The following NBAS variants were observed in gnomAD, a reference collection of about 807,000 sequenced individuals.
NBAS encodes NBAS subunit of NRZ tethering complex.
Under a neutral mutation model 302.5 loss-of-function variants are expected in NBAS, and 219 were observed. The observed-to-expected ratio is 0.72, with a 90% CI of 0.65 to 0.81. NBAS has a LOEUF of 0.81. Among genes scored for constraint, NBAS ranks in the 30% least tolerant of loss-of-function variants. The pLI is 0.00. For synonymous variants in NBAS, 1,118 were observed against 1,021.6 expected (o/e 1.09, Z -1.80); for missense variants, 2,932 against 2,841.6 (o/e 1.03, Z -0.72).
At chr2:15,152,895 T>G in the NBAS span, among the ~76,000 whole-genome samples, 2 of 152,216 alleles carry the variant, frequency 1.3e-5, no homozygotes, top group African/African-American at 2.4e-5. Flanking sequence ...CCCTTCACTT[T>G]CAACTTCTCC....
intron 44 of NBAS, among the ~76,000 whole-genome samples, chr2:15,270,286 T>C (rs889738678): frequency 6.6e-6 from 1 of 152,174 alleles, no homozygotes; most frequent in Non-Finnish European, 1.5e-5. Context: ...TGCCTCAGCC[T>C]CCCGAGTGGC....
At chr2:15,223,875 C>G (rs887263799) in intron 47 of NBAS, among the ~76,000 whole-genome samples, 1 of 151,844 alleles carries the variant, frequency 6.6e-6, no homozygotes, top group Non-Finnish European at 1.5e-5. Context: ...AAGAAAATCT[C>G]TCATAGTTTC....
chr2:15,151,221 C>T, the NBAS span, among the ~76,000 whole-genome samples: 1 of 152,160 alleles, frequency 6.6e-6, no homozygotes, highest in Non-Finnish European at 1.5e-5. Context: ...CCCCATGTCT[C>T]AATAAGTGAA....
chr2:15,381,976 C>T (rs764993666), intron 29 of NBAS, among the ~76,000 whole-genome samples: 5 of 151,998 alleles, frequency 3.3e-5, no homozygotes, highest in East Asian at 3.8e-4. Context: ...AAGAGCAAAG[C>T]GACACAAGAA....
At chr2:14,846,440 GA>G in the NBAS span, among the ~76,000 whole-genome samples, 157 of 101,698 alleles carry the variant, frequency 1.5e-3, no homozygotes, top group Middle Eastern at 0.019. Flanking sequence ...ACTTCAATTA[GA>G]AAAAAAAAAA....
chr2:15,356,213 A>G, intron 33 of NBAS, 90 bp downstream of exon 33: 2 of 1,100,982 alleles, frequency 1.8e-6, no homozygotes, highest in Non-Finnish European at 1.4e-6. Flanking sequence ...TGGCTTACCA[A>G]TCAGGTCAAT....
At chr2:15,371,389 T>A (rs1278873998) in intron 31 of NBAS, among the ~76,000 whole-genome samples, 1 of 151,948 alleles carries the variant, frequency 6.6e-6, no homozygotes, top group African/African-American at 2.4e-5. Context: ...AGTGAATACA[T>A]ATAAAGCATA....
chr2:15,473,091 G>A, intron 16 of NBAS, 131 bp downstream of exon 16: 1 of 1,050,096 alleles, frequency 9.5e-7, no homozygotes, highest in Non-Finnish European at 1.4e-6. Flanking sequence ...TTTTCCAGCT[G>A]AGAAAATTGT....
At chr2:14,822,003 A>G in the NBAS span, among the ~76,000 whole-genome samples, 42 of 152,280 alleles carry the variant, frequency 2.8e-4, no homozygotes, top group Non-Finnish European at 3.8e-4. Context: ...ACTGCACTCC[A>G]GCCTGGGCAA....
At chr2:15,218,261 T>C (rs532399438) in intron 48 of NBAS, among the ~76,000 whole-genome samples, 147 of 152,330 alleles carry the variant, frequency 9.7e-4, no homozygotes, top group African/African-American at 3.4e-3. Context: ...TAATCTACCA[T>C]GCATATGCAT....
intron 25 of NBAS, among the ~76,000 whole-genome samples, chr2:15,413,277 C>A (rs1330273141): frequency 6.6e-6 from 1 of 152,078 alleles, no homozygotes; most frequent in Admixed American, 6.6e-5. Context: ...ACTTGCCCTG[C>A]CAAAATTTGC....
intron 6 of NBAS, among the ~76,000 whole-genome samples, chr2:15,548,036 A>T (rs1664197938): frequency 6.6e-6 from 1 of 152,228 alleles, no homozygotes; most frequent in Admixed American, 6.5e-5. Context: ...ACAAATTTAT[A>T]CATGGATCTC....
At chr2:15,180,437 T>A (rs1664765978) in intron 50 of NBAS, 1 of 152,134 alleles carries the variant, frequency 6.6e-6, no homozygotes, top group African/African-American at 2.4e-5. Flanking sequence ...CACAGAGCAG[T>A]CTCACCAAGC....
At chr2:14,856,409 T>C in the NBAS span, among the ~76,000 whole-genome samples, 4 of 152,040 alleles carry the variant, frequency 2.6e-5, no homozygotes, top group Non-Finnish European at 5.9e-5. Context: ...TCTATTAGCA[T>C]CCACAACATC....
the NBAS span, among the ~76,000 whole-genome samples, chr2:15,058,016 G>A: frequency 2.6e-5 from 4 of 152,306 alleles, no homozygotes; most frequent in Admixed American, 6.5e-5. Flanking sequence ...TAGTACCACC[G>A]CTATGGAAAA....
the NBAS span, among the ~76,000 whole-genome samples, chr2:14,882,953 A>C: frequency 4.6e-5 from 7 of 152,306 alleles, no homozygotes; most frequent in East Asian, 1.4e-3. Context: ...TATTGTTTAC[A>C]TGAACCACTC....
In NBAS at chr2:15,554,043, A is replaced by C. The variant is rs1399275157; in HGVS notation, c.287+18T>G. ...AGCTAATCCAGACAGAAAAACATTG[A>C]ATTTCACACTTCCTTACCTTGCAAG... On this transcript the variant is annotated intron_variant, in intron 4 of 51. Coordinates refer to ENST00000281513, the MANE Select transcript of NBAS (RefSeq NM_015909.4). 6 of 1,585,996 alleles carry C rather than the reference A, an allele frequency of 3.8e-6. No individual in the cohort carries two copies. The South Asian group carries it at 6.6e-5, about 18-fold the overall frequency.
chr2:15,111,658 C>A, the NBAS span, among the ~76,000 whole-genome samples: 1 of 151,730 alleles, frequency 6.6e-6, no homozygotes, highest in Non-Finnish European at 1.5e-5. Context: ...CAAGAAAAAT[C>A]CCCCCTCTAA....
At chr2:14,887,268 G>C in the NBAS span, among the ~76,000 whole-genome samples, 1 of 152,084 alleles carries the variant, frequency 6.6e-6, no homozygotes, top group Non-Finnish European at 1.5e-5. Flanking sequence ...TTCGGGCATG[G>C]TGGCACATGC....
Sources: allele counts gnomAD v4.1 joint callset (sites outside exome capture counted in the v4.1 genomes callset), GRCh38; gene constraint gnomAD v4.1.1; transcripts MANE v1.5; gene names NCBI Gene and HGNC (gene_info 2026-07-23, HGNC 2026-07-21).